Variants in ROBO1 observed in about 807,000 individuals in gnomAD.
ROBO1 encodes roundabout guidance receptor 1.
ROBO1 carries 149 observed loss-of-function variants against 195.9 expected under a neutral mutation model. The ratio of observed to expected loss-of-function variants is 0.76; its 90% CI spans 0.67 to 0.87. The LOEUF (loss-of-function observed/expected upper bound fraction) is 0.87, where lower values mean the gene tolerates loss of function less well. ROBO1 is among the 40% of genes least tolerant of loss of function. The probability of loss-of-function intolerance (pLI) is 0.00; values close to 1 mark genes in which losing one functional copy is unlikely to be tolerated. For missense variants in ROBO1, 1,933 were observed against 2,068.3 expected, an observed-to-expected ratio of 0.93 and a Z score of 1.27; for synonymous variants, 816 against 733.2, an observed-to-expected ratio of 1.11 and a Z score of -1.82.
chr3:79,518,543 G>T (rs920165888), intron 2 of ROBO1, among the ~76,000 whole-genome samples: 4 of 152,174 alleles, frequency 2.6e-5, no homozygotes, highest in Non-Finnish European at 5.9e-5. Flanking sequence ...TGAAACAACA[G>T]TAAGTTAGAA....
chr3:79,512,444 C>CGAAT (rs1454627345), intron 2 of ROBO1, among the ~76,000 whole-genome samples: 2 of 152,120 alleles, frequency 1.3e-5, no homozygotes, highest in Non-Finnish European at 2.9e-5. Context: ...CATACAGTAA[C>CGAAT]TAATTTGGTT....
chr3:79,422,023 CATTA>C (rs1184109038), intron 2 of ROBO1, among the ~76,000 whole-genome samples: 2 of 150,520 alleles, frequency 1.3e-5, no homozygotes, highest in Admixed American at 6.7e-5. Flanking sequence ...AGTTGTGTGG[CATTA>C]ATTGTGACCA....
At chr3:79,168,420 A>C (rs529862027) in intron 2 of ROBO1, among the ~76,000 whole-genome samples, 4 of 152,168 alleles carry the variant, frequency 2.6e-5, no homozygotes, top group Non-Finnish European at 5.9e-5. Context: ...AGTTGGCAGA[A>C]ACTCCTTGGC....
intron 1 of ROBO1, among the ~76,000 whole-genome samples, chr3:79,761,259 A>G (rs1704683935): frequency 6.6e-6 from 1 of 150,840 alleles, no homozygotes; most frequent in Non-Finnish European, 1.5e-5. Flanking sequence ...ATCATAAAAA[A>G]ATATTTCCAA....
At chr3:78,886,066 T>C (rs1286501360) in intron 4 of ROBO1, among the ~76,000 whole-genome samples, 2 of 151,360 alleles carry the variant, frequency 1.3e-5, no homozygotes, top group Admixed American at 1.3e-4. Flanking sequence ...ATCTTTTAGC[T>C]TTGTTTATAA....
At chr3:79,121,059 A>G (rs1342334304) in intron 3 of ROBO1, among the ~76,000 whole-genome samples, 1 of 152,120 alleles carries the variant, frequency 6.6e-6, no homozygotes, top group Non-Finnish European at 1.5e-5. Flanking sequence ...TGAACTATTT[A>G]TCTTTTAGAA....
chr3:79,227,061 T>C (rs943208171), intron 2 of ROBO1, among the ~76,000 whole-genome samples: 1 of 152,204 alleles, frequency 6.6e-6, no homozygotes, highest in Non-Finnish European at 1.5e-5. Context: ...TTCTGATCCA[T>C]ACTCTAAAGT....
intron 16 of ROBO1, chr3:78,660,057 A>T: frequency 3.9e-6 from 1 of 257,440 alleles, no homozygotes; most frequent in Non-Finnish European, 7.3e-6. Context: ...AGTAGCTGGG[A>T]TTACAGGCAC....
intron 5 of ROBO1, among the ~76,000 whole-genome samples, chr3:78,719,133 T>G (rs983609802): frequency 6.6e-6 from 1 of 152,134 alleles, no homozygotes; most frequent in East Asian, 1.9e-4. Context: ...TTCAGTAGCA[T>G]CATAAACAAA....
intron 3 of ROBO1, among the ~76,000 whole-genome samples, chr3:79,104,384 AT>A (rs896393198): frequency 5.9e-4 from 89 of 151,890 alleles, no homozygotes; most frequent in African/African-American, 2.1e-3. Flanking sequence ...GCATGTGAAC[AT>A]TTATTTTTTC....
At chr3:79,755,839 G>A (rs781721437) in intron 1 of ROBO1, among the ~76,000 whole-genome samples, 29 of 152,246 alleles carry the variant, frequency 1.9e-4, no homozygotes, top group Non-Finnish European at 3.5e-4. Flanking sequence ...TTTTGTCACT[G>A]GAGTAATCCC....
At chr3:79,755,768 C>A (rs7618398) in intron 1 of ROBO1, among the ~76,000 whole-genome samples, 59 of 152,310 alleles carry the variant, frequency 3.9e-4, no homozygotes, top group African/African-American at 1.3e-3. Context: ...ATCCTGCCCC[C>A]CAAGGAGTCA....
chr3:78,699,848 C>T (rs2081381850), intron 8 of ROBO1, among the ~76,000 whole-genome samples: 1 of 151,934 alleles, frequency 6.6e-6, no homozygotes, highest in Non-Finnish European at 1.5e-5. Flanking sequence ...CTGGAATCTT[C>T]CCCTTTCACC....
intron 2 of ROBO1, among the ~76,000 whole-genome samples, chr3:79,501,008 T>C (rs1367347753): frequency 6.6e-6 from 1 of 151,964 alleles, no homozygotes; most frequent in African/African-American, 2.4e-5. Context: ...TCCACACCCC[T>C]CACCACTCAC....
chr3:79,303,579 T>C (rs1193100271), intron 2 of ROBO1, among the ~76,000 whole-genome samples: 4 of 152,174 alleles, frequency 2.6e-5, no homozygotes, highest in African/African-American at 7.2e-5. Context: ...AGCTTGCAAA[T>C]TTATTCCTGC....
chr3:78,788,604 ACT>A (rs769676629), intron 4 of ROBO1, among the ~76,000 whole-genome samples: 11 of 152,010 alleles, frequency 7.2e-5, no homozygotes, highest in Non-Finnish European at 1.6e-4. Context: ...TCTGAAAACA[ACT>A]CTATCACTTT....
At position 79,719,908 on chromosome 3, in the gene ROBO1, G is replaced by A. The variant is rs1469050066; in HGVS notation, c.-51+47844C>T. 2.0e-5 allele frequency among the ~76,000 whole-genome samples: 3 copies of A among 152,168 alleles called. No homozygotes were observed. In the East Asian group the frequency reaches 5.8e-4, roughly 29 times the overall value. ...TAAATCATATTTCTGTTTAACCAAG[G>A]TTCATATTTGAGGGAGAGCATAGAT... On this transcript the variant is annotated intron_variant, in intron 1 of 30. Coordinates refer to ENST00000464233, the MANE Select transcript of ROBO1 (RefSeq NM_002941.4).
chr3:79,532,503 A>G (rs186981075), intron 2 of ROBO1, among the ~76,000 whole-genome samples: 1 of 152,312 alleles, frequency 6.6e-6, no homozygotes, highest in Admixed American at 6.5e-5. Context: ...TAAATAGGTC[A>G]GGCGTGGATG....
chr3:79,164,787 A>G (rs370172694), intron 2 of ROBO1, among the ~76,000 whole-genome samples: 3 of 152,014 alleles, frequency 2.0e-5, no homozygotes, highest in South Asian at 2.1e-4. Flanking sequence ...CCCTTGCTCT[A>G]TCTGTTGTGG....
Sources: allele counts gnomAD v4.1 joint callset (sites outside exome capture counted in the v4.1 genomes callset), GRCh38; gene constraint gnomAD v4.1.1; transcripts MANE v1.5; gene names NCBI Gene and HGNC (gene_info 2026-07-23, HGNC 2026-07-21).